Variants in ISY1 observed in about 807,000 individuals in gnomAD.
ISY1 encodes pre-mRNA-splicing factor ISY1 homolog.
Under a neutral mutation model 54.4 loss-of-function variants are expected in ISY1, and 12 were observed. The observed-to-expected ratio is 0.22, with a 90% CI of 0.14 to 0.36. The LOEUF (loss-of-function observed/expected upper bound fraction) is 0.36, where lower values mean the gene tolerates loss of function less well. Among genes scored for constraint, ISY1 ranks in the 10% least tolerant of loss-of-function variants. The pLI is 1.00. For synonymous variants in ISY1, 96 were observed against 117.9 expected, an observed-to-expected ratio of 0.81 and a Z score of 1.20; for missense variants, 282 against 342.2, an observed-to-expected ratio of 0.82 and a Z score of 1.39.
At chr3:129,156,468 A>G (rs1304904849) in intron 5 of ISY1, among the ~76,000 whole-genome samples, 165 bp downstream of exon 5, 1 of 151,958 alleles carries the variant, frequency 6.6e-6, no homozygotes, top group Non-Finnish European at 1.5e-5. Flanking sequence ...GTATTCTACA[A>G]CTTTCAACTA....
intron 5 of ISY1, among the ~76,000 whole-genome samples, chr3:129,146,764 A>G (rs1283994477): frequency 6.6e-6 from 1 of 152,192 alleles, no homozygotes; most frequent in East Asian, 1.9e-4. Context: ...ATTTTTTTAA[A>G]AAAGTCAAAC....
chr3:129,138,862 G>A (rs1462127717), intron 7 of ISY1, among the ~76,000 whole-genome samples: 2 of 151,852 alleles, frequency 1.3e-5, no homozygotes, highest in African/African-American at 2.4e-5. Flanking sequence ...AGGGAACAAT[G>A]CCCTAATGTA....
At chr3:129,144,204 ATACAGAGAAGATTGGCAT>A in intron 6 of ISY1, 1 of 406,562 alleles carries the variant, frequency 2.5e-6, no homozygotes, top group Non-Finnish European at 4.9e-6. Flanking sequence ...AATCGGAATG[ATACAGAGAAGATTGGCAT>A]ATAAAAATAA....
Position 129,129,644 on chromosome 3 carries a change from G to C in ISY1, c.*437C>G, listed in dbSNP as rs1936183649. The C allele has an allele frequency of 6.6e-6, 1 of 152,554 alleles. No individual in the cohort carries two copies. Among genetic ancestry groups the C allele is most frequent in the African/African-American group, 2.4e-5 (1 of 41,450 alleles). 9.5% of individuals were successfully genotyped at this position (152,554 alleles called of 1,614,324 possible). ...CCGCCTCGGCCTCCCAAAGTGCTGG[G>C]GTTACAGGCGTGAGCCACTGCGCCT... is the stretch of plus-strand genomic sequence containing the variant. On this transcript the variant is annotated 3_prime_UTR_variant, in exon 11 of 11. Transcript: ENST00000393295.
chr3:129,134,333 G>T (rs1936329150), intron 8 of ISY1, 138 bp from the exon 9 acceptor site: 1 of 1,476,816 alleles, frequency 6.8e-7, no homozygotes, highest in Admixed American at 2.0e-5. Context: ...TGCCCCCGTG[G>T]GTGGAAATGG....
intron 6 of ISY1, chr3:129,144,042 C>T: frequency 3.9e-6 from 1 of 255,896 alleles, no homozygotes; most frequent in South Asian, 3.8e-5. Flanking sequence ...TGGAACTTAA[C>T]ATTTCACATA....
chr3:129,134,788 A>G (rs1458319064), intron 8 of ISY1, 44 bp downstream of exon 8: 1 of 1,567,474 alleles, frequency 6.4e-7, no homozygotes, highest in African/African-American at 1.4e-5. Context: ...ACACAACAGA[A>G]AACAGATGCC....
intron 7 of ISY1, among the ~76,000 whole-genome samples, chr3:129,139,395 T>C (rs2107605814): frequency 6.6e-6 from 1 of 152,312 alleles, no homozygotes; most frequent in Non-Finnish European, 1.5e-5. Flanking sequence ...CTATATTTTT[T>C]TTAAAATAGA....
intron 7 of ISY1, among the ~76,000 whole-genome samples, chr3:129,138,241 A>C (rs1936485340): frequency 6.6e-6 from 1 of 150,924 alleles, no homozygotes; most frequent in African/African-American, 2.4e-5. Flanking sequence ...AGATTGCGTC[A>C]CTGTACTCCA....
chr3:129,137,129 A>C lies in ISY1; in HGVS notation c.419-2175T>G, dbSNP rs939375703. ...TAGCCAGGATGGTCTTGATCTCCTG[A>C]CCTTGTGATCCGCCCGCCTCAGCCT... On this transcript the variant is annotated intron_variant, in intron 7 of 10. Transcript: ENST00000393295. 1.8e-5 allele frequency: 4 copies of C among 225,310 alleles called. No individual in the cohort carries two copies. The South Asian group carries it at 6.4e-4, about 36-fold the overall frequency. 14.0% of individuals were successfully genotyped at this position (225,310 alleles called of 1,614,324 possible). A position where few individuals can be genotyped will look rare whatever the true frequency, so the allele number is the denominator to read the frequency against.
rs1936572498 is a variant in ISY1, at chr3:129,140,397, G to A, written c.389C>T (p.Pro130Leu). 1.2e-6 allele frequency: 2 copies of A among 1,611,908 alleles called. No homozygotes were observed. Among genetic ancestry groups the A allele is most frequent in the Non-Finnish European group, 8.5e-7 (1 of 1,179,560 alleles). Residue 130 changes from proline to leucine, a missense_variant, in exon 7 of 11, where the codon CCT becomes CTT. Physicochemically the swap from Pro to Leu is moderately conservative, Grantham distance 98. Coordinates refer to ENST00000393295, the MANE Select transcript of ISY1 (RefSeq NM_020701.4). ...TTTTTCAAACAGCTCTCTAACACCA[G>A]GCAAATCTTTTGCTGCTCCAAAGTA... ...YKYFGAAKDL[P>L]GVRELFEKEP... is the part of the protein sequence containing the mutation.
At chr3:129,148,218 C>T (rs1174382179) in intron 5 of ISY1, among the ~76,000 whole-genome samples, 1 of 152,140 alleles carries the variant, frequency 6.6e-6, no homozygotes, top group Non-Finnish European at 1.5e-5. Context: ...CTTTGGGTTG[C>T]TTCCAGTTTT....
intron 9 of ISY1, among the ~76,000 whole-genome samples, chr3:129,131,743 A>G (rs1936242866): frequency 6.6e-6 from 1 of 152,220 alleles, no homozygotes; most frequent in Non-Finnish European, 1.5e-5. Flanking sequence ...TTTATAAAAC[A>G]TTCTGAAATG....
intron 1 of ISY1, among the ~76,000 whole-genome samples, chr3:129,159,564 T>C (rs1937243480): frequency 6.6e-6 from 1 of 152,230 alleles, no homozygotes; most frequent in South Asian, 2.1e-4. Flanking sequence ...GCCTGTTCCC[T>C]GCCAGTGGTA....
rs1336951872 is a variant in ISY1 at position 129,134,828 on chromosome 3, C to A, written c.541+4G>T. 3 of 1,604,822 alleles carry A rather than the reference C, an allele frequency of 1.9e-6. No individual in the cohort carries two copies. In the Admixed American group the frequency reaches 5.0e-5, roughly 27 times the overall value. Reference sequence around the variant, plus strand: ...ATTATGAAATAAAATGCCCAGAGACCTACGTTTCTTTTCATATTCCTGTTC... The same window carrying A: ...ATTATGAAATAAAATGCCCAGAGACATACGTTTCTTTTCATATTCCTGTTC... On this transcript the variant is annotated splice_donor_region_variant and intron_variant, in intron 8 of 10. Transcript: ENST00000393295.
At chr3:129,135,034 C>T (rs566641950) in intron 7 of ISY1, 80 bp from the exon 8 acceptor site, 3 of 1,495,768 alleles carry the variant, frequency 2.0e-6, no homozygotes, top group East Asian at 2.5e-5. Flanking sequence ...CAACGCTATA[C>T]ACACACGTGG....
chr3:129,134,914 C>G lies in ISY1; in HGVS notation c.459G>C (p.Lys153Asn), dbSNP rs770119402. ...PPRKTRAELM[K>N]AIDFEYYGYL... ...AACCATAGTACTCAAAATCGATTGC[C>G]TTCATGAGCTCAGCACGTGTCTTTC... Residue 153 changes from lysine (K) to asparagine (N), a missense_variant, in exon 8 of 11, where the codon AAG becomes AAC. Transcript: ENST00000393295. 9 of 1,611,128 alleles carry G rather than the reference C, an allele frequency of 5.6e-6. No homozygotes were observed. The highest frequency in any genetic ancestry group is 7.6e-6 in the Non-Finnish European group (9 of 1,178,112).
At chr3:129,134,562 T>C (rs765931211) in intron 8 of ISY1, among the ~76,000 whole-genome samples, 2 of 152,166 alleles carry the variant, frequency 1.3e-5, no homozygotes, top group Non-Finnish European at 2.9e-5. Context: ...ACATGGGCAC[T>C]GGTATTAGCA....
At chr3:129,147,137 G>A (rs1279773366) in intron 5 of ISY1, among the ~76,000 whole-genome samples, 1 of 151,868 alleles carries the variant, frequency 6.6e-6, no homozygotes, top group African/African-American at 2.4e-5. Flanking sequence ...CCTTTCGGGA[G>A]GCAGAGGAGG....
Sources: gnomAD v4.1 joint callset for allele counts (sites outside exome capture counted in the v4.1 genomes callset) on GRCh38, gnomAD v4.1.1 for gene constraint, MANE v1.5 for transcripts, NCBI Gene and HGNC (gene_info 2026-07-23, HGNC 2026-07-21) for gene names.